SLC30A6: variants seen among roughly 807,000 people sequenced by gnomAD.
SLC30A6 encodes zinc transporter 6.
In SLC30A6, 55 loss-of-function variants were observed where a neutral mutation model predicts 63.0. The observed-to-expected ratio is 0.87, with a 90% CI of 0.70 to 1.09. The LOEUF (loss-of-function observed/expected upper bound fraction) is 1.09, where lower values mean the gene tolerates loss of function less well. SLC30A6 is among the 50% of genes least tolerant of loss of function. The pLI, the probability that SLC30A6 is intolerant of heterozygous loss-of-function variation, is 0.00. For missense variants in SLC30A6, 587 were observed against 549.2 expected (o/e 1.07, Z -0.69); for synonymous variants, 224 against 186.1 (o/e 1.20, Z -1.66).
chr2:32,178,369 C>A (rs1681978037), intron 4 of SLC30A6, among the ~76,000 whole-genome samples: 1 of 152,046 alleles, frequency 6.6e-6, no homozygotes, highest in African/African-American at 2.4e-5. Context: ...TGCCTTGGTA[C>A]CCTTGTCAAA....
At chr2:32,203,311 A>G in intron 10 of SLC30A6, 1 of 926,762 alleles carries the variant, frequency 1.1e-6, no homozygotes, top group Non-Finnish European at 1.8e-6. Context: ...GATATGTGGA[A>G]CAAAAAGTAG....
intron 4 of SLC30A6, among the ~76,000 whole-genome samples, chr2:32,183,270 G>A (rs751703879): frequency 6.6e-6 from 1 of 152,178 alleles, no homozygotes; most frequent in African/African-American, 2.4e-5. Flanking sequence ...TTGAGGAATT[G>A]TGAGCTAGGG....
chr2:32,180,910 C>A (rs566871027), intron 4 of SLC30A6, among the ~76,000 whole-genome samples: 87 of 152,226 alleles, frequency 5.7e-4, no homozygotes, highest in African/African-American at 2.0e-3. Context: ...AAGTTTCTTT[C>A]TTTAGAGGCT....
intron 4 of SLC30A6, among the ~76,000 whole-genome samples, chr2:32,179,767 A>G (rs1181623853): frequency 3.3e-5 from 5 of 152,164 alleles, no homozygotes; most frequent in South Asian, 2.1e-4. Context: ...ACATCCACAC[A>G]CTACACTCAT....
intron 13 of SLC30A6, among the ~76,000 whole-genome samples, chr2:32,213,147 T>A (rs933492541): frequency 1.3e-5 from 2 of 152,018 alleles, no homozygotes; most frequent in Non-Finnish European, 2.9e-5. Context: ...CCTTAAGCAC[T>A]CCTACTGCCT....
At chr2:32,176,436 A>G (rs1681747002) in intron 4 of SLC30A6, among the ~76,000 whole-genome samples, 1 of 151,976 alleles carries the variant, frequency 6.6e-6, no homozygotes, top group Non-Finnish European at 1.5e-5. Context: ...AGGAGGGTGG[A>G]TCACAAAGTC....
At chr2:32,166,855 A>C (rs1052132919) in intron 1 of SLC30A6, among the ~76,000 whole-genome samples, 1 of 152,238 alleles carries the variant, frequency 6.6e-6, no homozygotes, top group African/African-American at 2.4e-5. Flanking sequence ...AAAAGTTTAC[A>C]CTTTTTGGCT....
chr2:32,198,576 C>T lies in SLC30A6; in HGVS notation c.665+750C>T, dbSNP rs975407960. Among the ~76,000 whole-genome samples, 10 of 152,166 alleles carry T rather than the reference C, an allele frequency of 6.6e-5. 1 individual carries two copies. Among genetic ancestry groups the T allele is most frequent in the African/African-American group, 2.4e-4 (10 of 41,528 alleles). ...TTATTTTAAATTGCATTAAAATATA[C>T]ATAATATAGAGTTGGCTTTTTTCTG... is the stretch of plus-strand genomic sequence containing the variant. On this transcript the variant is annotated intron_variant, in intron 10 of 13. Coordinates refer to ENST00000282587, the MANE Select transcript of SLC30A6 (RefSeq NM_017964.5).
chr2:32,181,840 C>G (rs1299025238), intron 4 of SLC30A6, among the ~76,000 whole-genome samples: 6 of 151,516 alleles, frequency 4.0e-5, no homozygotes, highest in Non-Finnish European at 8.8e-5. Context: ...TGCACTCCAA[C>G]CTGGGCGACA....
chr2:32,213,081 A>AT (rs1254058510), intron 13 of SLC30A6, among the ~76,000 whole-genome samples: 6 of 149,736 alleles, frequency 4.0e-5, no homozygotes, highest in African/African-American at 1.5e-4. Context: ...GATCTTTTTA[A>AT]TTTTTTTTGT....
chr2:32,182,326 G>T lies in SLC30A6; in HGVS notation c.219-1947G>T, dbSNP rs1682401263. Reference sequence around the variant, plus strand: ...CATTCATCCATTCAAAACCAACCTAGATTATTTGCTGAACTTCAATGTAAA... The same window carrying T: ...CATTCATCCATTCAAAACCAACCTATATTATTTGCTGAACTTCAATGTAAA... On this transcript the variant is annotated intron_variant, in intron 4 of 13. Transcript: ENST00000282587. 2.6e-5 allele frequency among the ~76,000 whole-genome samples: 4 copies of T among 152,236 alleles called. No individual in the cohort carries two copies. In the South Asian group the frequency reaches 8.3e-4, roughly 32 times the overall value.
chr2:32,167,905 G>A (rs545879245), intron 1 of SLC30A6, among the ~76,000 whole-genome samples: 2 of 152,242 alleles, frequency 1.3e-5, no homozygotes, highest in East Asian at 3.9e-4. Context: ...CCTTACAGAC[G>A]ATGTTAAAGT....
intron 11 of SLC30A6, among the ~76,000 whole-genome samples, chr2:32,205,948 C>T (rs55796887): frequency 0.51 from 77,503 of 151,314 alleles, 20,214 homozygotes; most frequent in Admixed American, 0.57. Context: ...GGATTACAGG[C>T]GTGAGCCACT....
At chr2:32,194,019 A>G (rs1212592194) in intron 8 of SLC30A6, 36 bp downstream of exon 8, 7 of 1,521,150 alleles carry the variant, frequency 4.6e-6, no homozygotes, top group Non-Finnish European at 6.3e-6. Context: ...TAAAAATCCA[A>G]CTAATCTCTC....
chr2:32,193,053 A>C, intron 7 of SLC30A6, 100 bp downstream of exon 7: 1 of 754,458 alleles, frequency 1.3e-6, no homozygotes, highest in Non-Finnish European at 2.1e-6. Flanking sequence ...GACTGTGGCA[A>C]CATAACGTTT....
intron 10 of SLC30A6, among the ~76,000 whole-genome samples, chr2:32,200,152 C>A (rs192024228): frequency 2.3e-4 from 35 of 151,422 alleles, no homozygotes; most frequent in Admixed American, 5.9e-4. Context: ...TTTATTTGTC[C>A]CCTCTTTCCC....
chr2:32,199,193 AT>A (rs1684052941), intron 10 of SLC30A6, among the ~76,000 whole-genome samples: 1 of 152,118 alleles, frequency 6.6e-6, no homozygotes, highest in Non-Finnish European at 1.5e-5. Context: ...GCTGAATCAC[AT>A]TTTCCAATGC....
chr2:32,200,984 G>A (rs1166028070), intron 10 of SLC30A6, among the ~76,000 whole-genome samples: 1 of 152,108 alleles, frequency 6.6e-6, no homozygotes, highest in Admixed American at 6.6e-5. Flanking sequence ...TTTTATTGCT[G>A]GGTCAGGGTT....
At chr2:32,178,179 C>G (rs1681955313) in intron 4 of SLC30A6, among the ~76,000 whole-genome samples, 1 of 150,966 alleles carries the variant, frequency 6.6e-6, no homozygotes, top group Admixed American at 6.6e-5. Context: ...AATCTCCTGA[C>G]CTTGTGATCC....
Sources: gnomAD v4.1 joint callset for allele counts (sites outside exome capture counted in the v4.1 genomes callset) on GRCh38, gnomAD v4.1.1 for gene constraint, MANE v1.5 for transcripts, NCBI Gene and HGNC (gene_info 2026-07-23, HGNC 2026-07-21) for gene names.